FRYL: variants seen among roughly 807,000 people sequenced by gnomAD.
The protein encoded by FRYL is protein furry homolog-like.
Under a neutral mutation model 351.2 loss-of-function variants are expected in FRYL, and 150 were observed. That is an observed-to-expected ratio of 0.43 (90% CI 0.37 to 0.49). The LOEUF is 0.49. Among genes scored for constraint, FRYL ranks in the 20% least tolerant of loss-of-function variants. The pLI is 0.00. For missense variants in FRYL, 3,036 were observed against 3,619.3 expected (o/e 0.84, Z 4.13); for synonymous variants, 1,153 against 1,257.1 (o/e 0.92, Z 1.75).
chr4:48,651,614 A>T (rs1757728189), intron 3 of FRYL, among the ~76,000 whole-genome samples: 1 of 152,180 alleles, frequency 6.6e-6, no homozygotes, highest in African/African-American at 2.4e-5. Flanking sequence ...AAGCTCCTCG[A>T]GAGAAAGGAA....
chr4:48,746,930 G>A (rs1254068465), intron 1 of FRYL, among the ~76,000 whole-genome samples: 1 of 152,188 alleles, frequency 6.6e-6, no homozygotes. Context: ...CGTGAGAAAT[G>A]CCTGGTGGAG....
intron 57 of FRYL, among the ~76,000 whole-genome samples, chr4:48,512,251 G>T (rs73144666): frequency 1.6e-3 from 246 of 152,168 alleles, no homozygotes; most frequent in African/African-American, 5.8e-3. Flanking sequence ...ACGTTGTTTT[G>T]AAGTTTTATT....
At chr4:48,740,486 G>C (rs1254262694) in intron 1 of FRYL, among the ~76,000 whole-genome samples, 5 of 151,756 alleles carry the variant, frequency 3.3e-5, no homozygotes, top group African/African-American at 4.8e-5. Context: ...GTAGAGACAG[G>C]GTTTCACCAT....
chr4:48,512,022 T>C (rs1722591075), intron 57 of FRYL, among the ~76,000 whole-genome samples: 1 of 152,206 alleles, frequency 6.6e-6, no homozygotes, highest in Non-Finnish European at 1.5e-5. Context: ...CAATAAATTT[T>C]AGCTTGTATT....
At chr4:48,748,829 T>C (rs913157748) in intron 1 of FRYL, among the ~76,000 whole-genome samples, 94 of 152,180 alleles carry the variant, frequency 6.2e-4, no homozygotes, top group African/African-American at 2.2e-3. Flanking sequence ...GTAAGAATCA[T>C]GCAGTGGCCA....
intron 50 of FRYL, among the ~76,000 whole-genome samples, chr4:48,529,167 T>G (rs1726964082): frequency 6.6e-6 from 1 of 152,184 alleles, no homozygotes; most frequent in African/African-American, 2.4e-5. Flanking sequence ...AAACTTCTAA[T>G]CATCTTTTAA....
At chr4:48,616,346 C>T (rs1749426912) in intron 7 of FRYL, among the ~76,000 whole-genome samples, 1 of 151,946 alleles carries the variant, frequency 6.6e-6, no homozygotes, top group African/African-American at 2.4e-5. Context: ...TAATCTTCAG[C>T]AAATCACTAC....
chr4:48,611,295 T>A (rs1185308979), intron 7 of FRYL, among the ~76,000 whole-genome samples: 2 of 152,124 alleles, frequency 1.3e-5, no homozygotes, highest in African/African-American at 4.8e-5. Flanking sequence ...TATTATTTTT[T>A]ATTATTGTAT....
chr4:48,628,431 C>CGTGT (rs397993302), intron 4 of FRYL, among the ~76,000 whole-genome samples: 17,921 of 144,626 alleles, frequency 0.12, 1,152 homozygotes, highest in East Asian at 0.24. Context: ...CCTTCATTTG[C>CGTGT]GTGTGTGTGT....
intron 18 of FRYL, among the ~76,000 whole-genome samples, chr4:48,587,318 G>T (rs1742306927): frequency 6.6e-6 from 1 of 151,898 alleles, no homozygotes. Flanking sequence ...GGTACCTCTA[G>T]AGGCTTAATA....
chr4:48,616,415 T>C (rs13108474), intron 7 of FRYL, among the ~76,000 whole-genome samples: 81,321 of 151,942 alleles, frequency 0.54, 22,541 homozygotes, highest in African/African-American at 0.68. Flanking sequence ...TATTGAGGAC[T>C]TTCCATGCAT....
rs749798910 is a variant in FRYL, at chr4:48,602,141, G to C, written c.934-20C>G. On this transcript the variant is annotated intron_variant, in intron 12 of 63. Coordinates refer to ENST00000358350, the MANE Select transcript of FRYL (RefSeq NM_015030.2). ...TAAAGCCTATAGGAGACGGGGAAAAGACAGAATTAACATTTTTCATCGAAA... is the reference window on the plus strand; with the variant it reads ...TAAAGCCTATAGGAGACGGGGAAAACACAGAATTAACATTTTTCATCGAAA... 1 of 1,241,702 alleles carries C rather than the reference G, an allele frequency of 8.1e-7. No individual in the cohort carries two copies. The highest frequency in any genetic ancestry group is 1.2e-6 in the Non-Finnish European group (1 of 848,518). 76.9% of individuals were successfully genotyped at this position (1,241,702 alleles called of 1,614,324 possible).
intron 1 of FRYL, among the ~76,000 whole-genome samples, chr4:48,716,834 G>A (rs1768889938): frequency 6.6e-6 from 1 of 151,370 alleles, no homozygotes; most frequent in South Asian, 2.1e-4. Context: ...TATGTTTATT[G>A]TGGCACTATT....
At chr4:48,616,879 T>C (rs1240474244) in intron 7 of FRYL, among the ~76,000 whole-genome samples, 1 of 152,194 alleles carries the variant, frequency 6.6e-6, no homozygotes, top group Non-Finnish European at 1.5e-5. Flanking sequence ...GTAGATATAT[T>C]ACATTGTTTA....
intron 3 of FRYL, among the ~76,000 whole-genome samples, chr4:48,646,481 C>T (rs1013440790): frequency 1.3e-5 from 2 of 152,184 alleles, no homozygotes; most frequent in Non-Finnish European, 1.5e-5. Context: ...TGCCATCAAA[C>T]AGGCAATGTC....
At chr4:48,770,439 T>C (rs1775393972) in intron 1 of FRYL, among the ~76,000 whole-genome samples, 1 of 152,154 alleles carries the variant, frequency 6.6e-6, no homozygotes, top group South Asian at 2.1e-4. Flanking sequence ...ATTTTTTATT[T>C]ATTTTTTATT....
chr4:48,673,529 C>T (rs1250697600), intron 3 of FRYL, among the ~76,000 whole-genome samples: 1 of 151,670 alleles, frequency 6.6e-6, no homozygotes, highest in Non-Finnish European at 1.5e-5. Context: ...CTGGGACTAC[C>T]GGTGCATGAC....
chr4:48,501,139 A>AG (rs1196454407), intron 62 of FRYL, among the ~76,000 whole-genome samples: 1 of 140,482 alleles, frequency 7.1e-6, no homozygotes, highest in Non-Finnish European at 1.5e-5. Context: ...ATGTTGAGGG[A>AG]GGGGGGTTGA....
At chr4:48,653,692 TC>T in intron 3 of FRYL, 1 of 1,278,742 alleles carries the variant, frequency 7.8e-7, no homozygotes. Flanking sequence ...ATTTTTTTTT[TC>T]ATGTAGGAAT....
Sources: allele counts gnomAD v4.1 joint callset (sites outside exome capture counted in the v4.1 genomes callset), GRCh38; gene constraint gnomAD v4.1.1; transcripts MANE v1.5; gene names NCBI Gene and HGNC (gene_info 2026-07-23, HGNC 2026-07-21).